NEGR1: variants seen among roughly 807,000 people sequenced by gnomAD.
NEGR1 encodes neuronal growth regulator 1.
NEGR1 carries 10 observed loss-of-function variants against 40.9 expected under a neutral mutation model. That is an observed-to-expected ratio of 0.24 (90% CI 0.15 to 0.42). NEGR1 has a LOEUF of 0.42. Among genes scored for constraint, NEGR1 ranks in the 10% least tolerant of loss-of-function variants. The probability of loss-of-function intolerance (pLI) is 1.00; values close to 1 mark genes in which losing one functional copy is unlikely to be tolerated. For synonymous variants in NEGR1, 185 were observed against 166.8 expected, an observed-to-expected ratio of 1.11 and a Z score of -0.84; for missense variants, 352 against 438.9, an observed-to-expected ratio of 0.80 and a Z score of 1.77.
chr1:71,613,504 A>G (rs1321990351), intron 4 of NEGR1, among the ~76,000 whole-genome samples: 4 of 151,944 alleles, frequency 2.6e-5, no homozygotes, highest in Non-Finnish European at 2.9e-5. Flanking sequence ...AAAATTAGCC[A>G]GGCATAGTGG....
intron 2 of NEGR1, among the ~76,000 whole-genome samples, chr1:71,843,077 C>G (rs11209854): frequency 0.49 from 73,812 of 151,940 alleles, 19,261 homozygotes; most frequent in Admixed American, 0.61. Flanking sequence ...GGCATTGCCT[C>G]AAGTGTCACA....
At chr1:71,690,729 G>A (rs1261823161) in intron 4 of NEGR1, among the ~76,000 whole-genome samples, 2 of 149,790 alleles carry the variant, frequency 1.3e-5, no homozygotes, top group East Asian at 2.0e-4. Context: ...TCCGTTTGGC[G>A]TGGAGTCATT....
At chr1:71,776,675 A>G (rs971012205) in intron 2 of NEGR1, among the ~76,000 whole-genome samples, 1 of 152,204 alleles carries the variant, frequency 6.6e-6, no homozygotes, top group Non-Finnish European at 1.5e-5. Context: ...AAAAGAGGAA[A>G]TACAGAAGAA....
At chr1:72,149,482 A>G (rs1395074174) in intron 1 of NEGR1, among the ~76,000 whole-genome samples, 2 of 152,208 alleles carry the variant, frequency 1.3e-5, no homozygotes, top group Non-Finnish European at 2.9e-5. Flanking sequence ...GCTATTATAC[A>G]CTAAATTTAA....
intron 6 of NEGR1, among the ~76,000 whole-genome samples, chr1:71,480,482 G>A (rs1646847810): frequency 6.6e-6 from 1 of 151,466 alleles, no homozygotes; most frequent in South Asian, 2.1e-4. Context: ...TTTATTAATT[G>A]TGTTTATTGT....
intron 1 of NEGR1, among the ~76,000 whole-genome samples, chr1:72,156,866 C>A (rs1007501620): frequency 1.3e-5 from 2 of 152,232 alleles, no homozygotes; most frequent in East Asian, 3.9e-4. Context: ...AATCTCAATT[C>A]ATGTGAAATT....
chr1:71,885,386 A>G (rs1180297483), intron 2 of NEGR1, among the ~76,000 whole-genome samples: 1 of 152,240 alleles, frequency 6.6e-6, no homozygotes, highest in Non-Finnish European at 1.5e-5. Context: ...GCAATTCTCC[A>G]GAAGTCTTGA....
intron 1 of NEGR1, among the ~76,000 whole-genome samples, chr1:72,117,027 T>A (rs1649607065): frequency 6.6e-6 from 1 of 151,760 alleles, no homozygotes; most frequent in South Asian, 2.1e-4. Flanking sequence ...GTTTAAGTAG[T>A]TTTCTGTGAG....
intron 6 of NEGR1, among the ~76,000 whole-genome samples, chr1:71,489,287 G>C (rs886931747): frequency 6.6e-6 from 1 of 151,770 alleles, no homozygotes; most frequent in African/African-American, 2.4e-5. Context: ...AACAACCAAG[G>C]TAATAGCAGT....
rs552636618 is a variant in NEGR1, at chr1:71,960,822, C to T, written c.177-25511G>A. 2.6e-5 allele frequency among the ~76,000 whole-genome samples: 4 copies of T among 152,214 alleles called. No homozygotes were observed. In the South Asian group the frequency reaches 8.3e-4, roughly 32 times the overall value. On this transcript the variant is annotated intron_variant, in intron 1 of 6. Coordinates refer to ENST00000357731, the MANE Select transcript of NEGR1 (RefSeq NM_173808.3). The stretch of plus-strand genomic sequence containing the variant: ...GTCATAGTAGTAAATTCAACTCAGT[C>T]AGCTCTTATAAAATTATCTTTTATT...
chr1:71,703,868 AG>A (rs1653793748), intron 3 of NEGR1, among the ~76,000 whole-genome samples: 2 of 152,072 alleles, frequency 1.3e-5, no homozygotes, highest in South Asian at 4.1e-4. Context: ...TAAAGGGGAC[AG>A]AAAAAATATA....
At chr1:71,473,565 C>G (rs1031566894) in intron 6 of NEGR1, among the ~76,000 whole-genome samples, 1 of 152,028 alleles carries the variant, frequency 6.6e-6, no homozygotes, top group Admixed American at 6.6e-5. Context: ...ATAACCATGC[C>G]AAAGACCTTC....
At chr1:71,494,919 T>A (rs540264800) in intron 6 of NEGR1, among the ~76,000 whole-genome samples, 2 of 152,274 alleles carry the variant, frequency 1.3e-5, no homozygotes, top group African/African-American at 2.4e-5. Flanking sequence ...AACCTTTCTC[T>A]TTCTCTTCCT....
intron 6 of NEGR1, among the ~76,000 whole-genome samples, chr1:71,497,433 A>G (rs193260229): frequency 6.6e-6 from 1 of 152,164 alleles, no homozygotes; most frequent in African/African-American, 2.4e-5. Flanking sequence ...CTATAATTCC[A>G]TAGTTTTTTT....
intron 2 of NEGR1, among the ~76,000 whole-genome samples, chr1:71,864,293 G>A (rs1660048497): frequency 6.6e-6 from 1 of 152,088 alleles, no homozygotes; most frequent in Non-Finnish European, 1.5e-5. Context: ...GGTCACTGAT[G>A]AACCCTGTAA....
intron 1 of NEGR1, among the ~76,000 whole-genome samples, chr1:71,983,723 G>T (rs1646372439): frequency 6.6e-6 from 1 of 152,116 alleles, no homozygotes; most frequent in African/African-American, 2.4e-5. Context: ...ATAGAGATTG[G>T]ACAAAGGGAT....
Position 72,282,405 on chromosome 1 carries a change from G to A in NEGR1, c.90C>T (p.Ser30=). Residue 30 remains serine (S), a synonymous_variant, in exon 1 of 7, where the codon TCC becomes TCT. Transcript: ENST00000357731. ...CCACACTCTGTCCAGCCGGGAGGCA[G>A]GAGGGTAGCAGGCAGCACAGGCTGA... The part of the protein sequence containing the change: ...VLLSLCCLLP[S]CLPAGQSVDF... 6.2e-7 allele frequency: 1 copy of A among 1,613,964 alleles called. No homozygotes were observed. Among genetic ancestry groups the A allele is most frequent in the Non-Finnish European group, 8.5e-7 (1 of 1,179,980 alleles).
chr1:71,790,826 C>T (rs976566293), intron 2 of NEGR1, among the ~76,000 whole-genome samples: 1 of 151,944 alleles, frequency 6.6e-6, no homozygotes. Context: ...TGCTGCACTA[C>T]ATACCTTTGT....
intron 6 of NEGR1, among the ~76,000 whole-genome samples, chr1:71,429,349 A>T (rs1646450354): frequency 6.6e-6 from 1 of 152,254 alleles, no homozygotes; most frequent in Non-Finnish European, 1.5e-5. Context: ...AAAACAAAAA[A>T]AGTCCGAAAG....
Sources: gnomAD v4.1 joint callset for allele counts (sites outside exome capture counted in the v4.1 genomes callset) on GRCh38, gnomAD v4.1.1 for gene constraint, MANE v1.5 for transcripts, NCBI Gene and HGNC (gene_info 2026-07-23, HGNC 2026-07-21) for gene names.